Variants in SMG7 observed in about 807,000 individuals in gnomAD.
SMG7 encodes nonsense-mediated mRNA decay factor SMG7.
Under a neutral mutation model 148.2 loss-of-function variants are expected in SMG7, and 34 were observed. The ratio of observed to expected loss-of-function variants is 0.23; its 90% CI spans 0.17 to 0.31. SMG7 has a LOEUF of 0.31. SMG7 is among the 10% of genes least tolerant of loss of function. The pLI, the probability that SMG7 is intolerant of heterozygous loss-of-function variation, is 1.00. For missense variants in SMG7, 1,114 were observed against 1,408.4 expected (o/e 0.79, Z 3.35); for synonymous variants, 492 against 515.1 (o/e 0.96, Z 0.61).
chr1:183,541,854 T>C (rs1478753105), intron 13 of SMG7, among the ~76,000 whole-genome samples: 2 of 152,172 alleles, frequency 1.3e-5, no homozygotes, highest in Non-Finnish European at 2.9e-5. Context: ...CTAGCAAACG[T>C]TGAAAGAGCC....
intron 1 of SMG7, among the ~76,000 whole-genome samples, chr1:183,477,752 ATATGTGTGCATATATACATGTGTG>A (rs1238017320): frequency 9.9e-5 from 15 of 151,686 alleles, no homozygotes; most frequent in African/African-American, 3.4e-4. Context: ...ATGTGTGTGC[ATATGTGTGCATATATACATGTGTG>A]TATGTGTGTA....
intron 1 of SMG7, among the ~76,000 whole-genome samples, chr1:183,499,214 C>T (rs975349268): frequency 2.6e-5 from 4 of 152,154 alleles, no homozygotes; most frequent in African/African-American, 9.7e-5. Context: ...ATAAATAAAG[C>T]CGATATGATA....
intron 17 of SMG7, among the ~76,000 whole-genome samples, 178 bp from the exon 18 acceptor site, chr1:183,546,925 A>G (rs1441321643): frequency 6.6e-6 from 1 of 151,976 alleles, no homozygotes; most frequent in African/African-American, 2.4e-5. Context: ...AACTTTCTCC[A>G]TTATTGTCCT....
chr1:183,488,872 C>T (rs747522825), intron 1 of SMG7, among the ~76,000 whole-genome samples: 8 of 151,764 alleles, frequency 5.3e-5, no homozygotes, highest in African/African-American at 9.7e-5. Context: ...TTAGTAGAGA[C>T]GAGGTTTTGC....
rs1558052890 is a variant in SMG7 at position 183,542,250 on chromosome 1, C to A, written c.1590C>A (p.Ser530Arg). ...SPGLKSVLST[S>R]RNLSNNCDTG... is the part of the protein sequence containing the mutation. ...GGCTAAAATCAGTGCTATCTACAAG[C>A]CGAAATTTAAGCAACAACTGTGACA... is the stretch of plus-strand genomic sequence containing the variant. Residue 530 changes from serine (S) to arginine (R), a missense_variant, in exon 14 of 23, where the codon AGC (serine) becomes AGA (arginine). Around this residue, in one of 4 missense-constraint regions of SMG7, gnomAD observed 788 missense variants for 894.5 expected, o/e 0.88. Coordinates refer to ENST00000688051, the MANE Select transcript of SMG7 (RefSeq NM_001375584.1). The A allele has an allele frequency of 1.9e-6, 3 of 1,613,990 alleles. No homozygotes were observed. In the East Asian group the frequency reaches 6.7e-5, roughly 36 times the overall value.
chr1:183,486,005 AT>A (rs1291498391), intron 1 of SMG7, among the ~76,000 whole-genome samples: 1 of 152,174 alleles, frequency 6.6e-6, no homozygotes, highest in African/African-American at 2.4e-5. Context: ...CCCAGTCTTA[AT>A]TTCTTTCTTT....
At chr1:183,482,025 A>G (rs1654251295) in intron 1 of SMG7, among the ~76,000 whole-genome samples, 1 of 152,142 alleles carries the variant, frequency 6.6e-6, no homozygotes, top group African/African-American at 2.4e-5. Flanking sequence ...GTAAAAAAGA[A>G]GAGTATAGCA....
intron 14 of SMG7, among the ~76,000 whole-genome samples, chr1:183,542,923 ATATATGTGTGTGTGTG>A (rs751052085): frequency 2.6e-4 from 25 of 96,722 alleles, no homozygotes; most frequent in East Asian, 1.1e-3. Context: ...TATAATATAT[ATATATGTGTGTGTGTG>A]TGTGTGTGTG....
chr1:183,550,758 A>C lies in SMG7; in HGVS notation c.3141A>C (p.Ser1047=). The C allele has an allele frequency of 6.2e-7, 1 of 1,613,998 alleles. No individual in the cohort carries two copies. The highest frequency in any genetic ancestry group is 8.5e-7 in the Non-Finnish European group (1 of 1,179,942). ...SPSLPASSDH[S]TPASQSPHSS... ...GTTGCTATTATTTAATAGATCATTC[A>C]ACACCAGCCAGCCAGTCTCCTCATT... The change falls in exon 21 of 23, where the codon TCA becomes TCC. Residue 1047 remains serine, a synonymous_variant. Coordinates refer to ENST00000688051, the MANE Select transcript of SMG7 (RefSeq NM_001375584.1).
intron 1 of SMG7, among the ~76,000 whole-genome samples, chr1:183,479,346 CT>C (rs1653483454): frequency 1.3e-5 from 2 of 152,144 alleles, no homozygotes; most frequent in Non-Finnish European, 2.9e-5. Context: ...AGCAGCATCC[CT>C]GGCCTCTATC....
chr1:183,516,649 C>T lies in SMG7; in HGVS notation c.179+658C>T, dbSNP rs1312169778. Among the ~76,000 whole-genome samples the T allele has an allele frequency of 2.6e-5, 4 of 152,184 alleles. No homozygotes were observed. The East Asian group carries it at 7.7e-4, about 29-fold the overall frequency. ...TAAAAATCAATTAAGAGTACTTTGT[C>T]TACTAATGTCCGTTACCCTAAGTTT... On this transcript the variant is annotated intron_variant, in intron 3 of 22. Coordinates refer to ENST00000688051, the MANE Select transcript of SMG7 (RefSeq NM_001375584.1).
At chr1:183,498,782 A>G (rs1173958143) in intron 1 of SMG7, among the ~76,000 whole-genome samples, 1 of 152,162 alleles carries the variant, frequency 6.6e-6, no homozygotes, top group Non-Finnish European at 1.5e-5. Flanking sequence ...AGTTCATTTT[A>G]CATTATAGTT....
At chr1:183,543,725 C>T (rs1558056491) in intron 14 of SMG7, among the ~76,000 whole-genome samples, 1 of 152,194 alleles carries the variant, frequency 6.6e-6, no homozygotes, top group East Asian at 1.9e-4. Flanking sequence ...ATAAATGCTA[C>T]TCATGTTCCC....
intron 1 of SMG7, among the ~76,000 whole-genome samples, chr1:183,507,744 G>T (rs1661251739): frequency 6.6e-6 from 1 of 152,108 alleles, no homozygotes; most frequent in Non-Finnish European, 1.5e-5. Context: ...ATATAGTACT[G>T]AGTGTTTAGA....
chr1:183,498,350 A>G (rs1336049466), intron 1 of SMG7, among the ~76,000 whole-genome samples: 2 of 152,058 alleles, frequency 1.3e-5, no homozygotes, highest in East Asian at 1.9e-4. Context: ...GCAACATGAC[A>G]AAACTCTGTC....
Position 183,552,876 on chromosome 1 carries a change from C to G in SMG7, c.*945C>G. ...GGTTGGTTTTTGTGCCCCCATTCTA[C>G]TTCCCACCCTCCTGCCCCATCTCCA... is the stretch of plus-strand genomic sequence containing the variant. On this transcript the variant is annotated 3_prime_UTR_variant, in exon 23 of 23. Coordinates refer to ENST00000688051, the MANE Select transcript of SMG7 (RefSeq NM_001375584.1). 3 of 1,442,396 alleles carry G rather than the reference C, an allele frequency of 2.1e-6. No individual in the cohort carries two copies. Among genetic ancestry groups the G allele is most frequent in the Non-Finnish European group, 2.7e-6 (3 of 1,102,494 alleles). 89.3% of individuals were successfully genotyped at this position (1,442,396 alleles called of 1,614,324 possible). A position where few individuals can be genotyped will look rare whatever the true frequency, so the allele number is the denominator to read the frequency against.
chr1:183,489,176 T>C (rs1159335517), intron 1 of SMG7, among the ~76,000 whole-genome samples: 1 of 152,106 alleles, frequency 6.6e-6, no homozygotes, highest in African/African-American at 2.4e-5. Flanking sequence ...AGACAGGGCT[T>C]GAATTTTATT....
intron 1 of SMG7, among the ~76,000 whole-genome samples, chr1:183,498,358 G>A (rs1275072388): frequency 1.3e-5 from 2 of 152,066 alleles, no homozygotes; most frequent in East Asian, 1.9e-4. Context: ...ACAAAACTCT[G>A]TCTCTACTGC....
chr1:183,508,073 C>T, intron 1 of SMG7: 5 of 623,232 alleles, frequency 8.0e-6, no homozygotes, highest in Non-Finnish European at 1.0e-5. Context: ...GCCATACCCT[C>T]TACCAAGAGA....
Sources: gnomAD v4.1 joint callset for allele counts (sites outside exome capture counted in the v4.1 genomes callset) on GRCh38, gnomAD v4.1.1 for gene constraint, gnomAD v4.1.1 regional missense constraint, MANE v1.5 for transcripts, NCBI Gene and HGNC (gene_info 2026-07-23, HGNC 2026-07-21) for gene names.